PRKG1: variants seen among roughly 807,000 people sequenced by gnomAD.
The protein encoded by PRKG1 is protein kinase cGMP-dependent 1, also known as cGMP-dependent protein kinase 1.
A neutral mutation model predicts 88.1 loss-of-function variants in PRKG1; 35 were observed. The observed-to-expected ratio is 0.40, with a 90% CI of 0.30 to 0.53. PRKG1 has a LOEUF of 0.53. Ranked by LOEUF, PRKG1 falls within the 20% of genes least tolerant of loss-of-function variation. The probability of loss-of-function intolerance (pLI) is 0.59; values close to 1 mark genes in which losing one functional copy is unlikely to be tolerated. For synonymous variants in PRKG1, 303 were observed against 292.5 expected (o/e 1.04, Z -0.37); for missense variants, 540 against 839.8 (o/e 0.64, Z 4.41).
chr10:52,103,883 A>G (rs912747839), intron 7 of PRKG1, among the ~76,000 whole-genome samples: 13 of 151,832 alleles, frequency 8.6e-5, no homozygotes, highest in South Asian at 2.1e-4. Context: ...AAATCTTTGG[A>G]TTTATATATC....
chr10:51,208,064 T>G (rs1370807674), intron 2 of PRKG1, among the ~76,000 whole-genome samples: 1 of 152,202 alleles, frequency 6.6e-6, no homozygotes, highest in Non-Finnish European at 1.5e-5. Context: ...AAACATGCTC[T>G]TCCTTTTCTT....
chr10:51,427,785 A>T (rs955203107), intron 2 of PRKG1, among the ~76,000 whole-genome samples: 4 of 152,236 alleles, frequency 2.6e-5, no homozygotes, highest in Non-Finnish European at 4.4e-5. Flanking sequence ...CAGGTGATTA[A>T]TATTCACATT....
chr10:51,279,910 G>A (rs1246240501), intron 2 of PRKG1, among the ~76,000 whole-genome samples: 1 of 152,168 alleles, frequency 6.6e-6, no homozygotes, highest in Non-Finnish European at 1.5e-5. Flanking sequence ...ATTTGATCCT[G>A]TCATTATGAT....
intron 1 of PRKG1, among the ~76,000 whole-genome samples, chr10:51,032,146 C>A (rs1843291685): frequency 6.6e-6 from 1 of 152,122 alleles, no homozygotes; most frequent in African/African-American, 2.4e-5. Flanking sequence ...CTGCCAGTGT[C>A]CTTGGAACTC....
At chr10:51,851,781 T>C (rs1213519849) in intron 4 of PRKG1, among the ~76,000 whole-genome samples, 1 of 152,198 alleles carries the variant, frequency 6.6e-6, no homozygotes, top group Non-Finnish European at 1.5e-5. Context: ...ATGCTGATAA[T>C]GTTCTGGACA....
intron 4 of PRKG1, among the ~76,000 whole-genome samples, chr10:51,834,171 G>T (rs997962735): frequency 6.6e-6 from 1 of 152,022 alleles, no homozygotes; most frequent in South Asian, 2.1e-4. Context: ...CCCCAAATGT[G>T]TTTCAATCTC....
chr10:51,098,201 G>C (rs576186300), intron 1 of PRKG1, among the ~76,000 whole-genome samples: 6 of 152,186 alleles, frequency 3.9e-5, no homozygotes, highest in Non-Finnish European at 8.8e-5. Context: ...AGCTGCGTTT[G>C]AATTCAGGCT....
chr10:51,809,301 G>A (rs1239320986), intron 4 of PRKG1, among the ~76,000 whole-genome samples: 1 of 149,246 alleles, frequency 6.7e-6, no homozygotes, highest in Admixed American at 6.6e-5. Flanking sequence ...AAAAAAAAAG[G>A]TATTCAAAGG....
At chr10:51,511,676 G>T (rs1841414292) in intron 3 of PRKG1, among the ~76,000 whole-genome samples, 1 of 152,120 alleles carries the variant, frequency 6.6e-6, no homozygotes, top group African/African-American at 2.4e-5. Context: ...AGAAAGACTG[G>T]CTCTACCAAC....
intron 2 of PRKG1, among the ~76,000 whole-genome samples, chr10:51,349,061 G>T (rs1234069363): frequency 1.3e-5 from 2 of 152,132 alleles, no homozygotes; most frequent in African/African-American, 4.8e-5. Flanking sequence ...CCCAAGTGTT[G>T]TCGTCATCTT....
In PRKG1 at chr10:51,731,169, A is replaced by G. The variant is rs568050610; in HGVS notation, c.593-73416A>G. Among the ~76,000 whole-genome samples the G allele has an allele frequency of 2.1e-3, 320 of 152,238 alleles. 3 individuals are homozygous for G. Among genetic ancestry groups the G allele is most frequent in the Admixed American group, 4.1e-3 (62 of 15,276 alleles). On this transcript the variant is annotated intron_variant, in intron 3 of 17. Coordinates refer to ENST00000373980, the MANE Select transcript of PRKG1 (RefSeq NM_006258.4). The stretch of plus-strand genomic sequence containing the variant: ...AAAGAAAAACAACAAACAAACAAAC[A>G]AACAAACAAAAAACCCACTTCTGAT...
chr10:51,506,499 A>G lies in PRKG1; in HGVS notation c.592+38663A>G, dbSNP rs143663912. 2.4e-3 allele frequency among the ~76,000 whole-genome samples: 359 copies of G among 152,364 alleles called. 1 individual carries two copies. Among genetic ancestry groups the G allele is most frequent in the Middle Eastern group, 3.4e-3 (1 of 294 alleles). On this transcript the variant is annotated intron_variant, in intron 3 of 17. Transcript: ENST00000373980. ...ATCAACAAGTGGGCAAAGGATATGA[A>G]CAGATACTTCTCAAAAGAAGACATT...
intron 7 of PRKG1, among the ~76,000 whole-genome samples, chr10:52,099,680 G>A (rs1904013): frequency 6.6e-6 from 1 of 152,064 alleles, no homozygotes; most frequent in Non-Finnish European, 1.5e-5. Context: ...GTGATACAGG[G>A]TCATCTATAA....
At chr10:51,743,331 T>G (rs1837483942) in intron 3 of PRKG1, among the ~76,000 whole-genome samples, 1 of 151,920 alleles carries the variant, frequency 6.6e-6, no homozygotes, top group African/African-American at 2.4e-5. Flanking sequence ...TGCCCATGTG[T>G]GCAGTGCTGC....
intron 7 of PRKG1, among the ~76,000 whole-genome samples, chr10:52,097,837 T>C (rs1051783713): frequency 6.6e-6 from 1 of 151,968 alleles, no homozygotes; most frequent in Non-Finnish European, 1.5e-5. Context: ...GAAGATGCTA[T>C]GAATCATTAC....
Position 51,284,804 on chromosome 10 carries a change from C to A in PRKG1, c.478+131474C>A, listed in dbSNP as rs367754554. ...TTTTTGTAACCATGCAGTTGAATAT[C>A]TGAGATAGATAAAATAATGCCTTAT... On this transcript the variant is annotated intron_variant, in intron 2 of 17. Transcript: ENST00000373980. Among the ~76,000 whole-genome samples the A allele has an allele frequency of 5.9e-4, 84 of 141,732 alleles. 1 individual carries two copies. The East Asian group carries it at 0.015, about 26-fold the overall frequency. 93.0% of individuals were successfully genotyped at this position (141,732 alleles called of 152,430 possible).
intron 1 of PRKG1, among the ~76,000 whole-genome samples, chr10:51,078,736 C>T (rs1205991486): frequency 6.6e-6 from 1 of 151,874 alleles, no homozygotes; most frequent in African/African-American, 2.4e-5. Flanking sequence ...CTTGCCTCAG[C>T]CTCCTGAGTA....
chr10:51,537,344 A>T (rs1842181914), intron 3 of PRKG1, among the ~76,000 whole-genome samples: 1 of 152,194 alleles, frequency 6.6e-6, no homozygotes, highest in South Asian at 2.1e-4. Flanking sequence ...GAAGTTCTTA[A>T]CTTACATACC....
chr10:51,382,026 G>GT (rs562526529), intron 2 of PRKG1, among the ~76,000 whole-genome samples: 3 of 151,942 alleles, frequency 2.0e-5, no homozygotes, highest in Non-Finnish European at 2.9e-5. Flanking sequence ...TTTGTTGTTG[G>GT]TTTTTTTCTC....
Sources: allele counts gnomAD v4.1 joint callset (sites outside exome capture counted in the v4.1 genomes callset), GRCh38; gene constraint gnomAD v4.1.1; transcripts MANE v1.5; gene names NCBI Gene and HGNC (gene_info 2026-07-23, HGNC 2026-07-21).